Variants in TMOD3 observed in about 807,000 individuals in gnomAD.
TMOD3 encodes the protein tropomodulin-3.
A neutral mutation model predicts 39.2 loss-of-function variants in TMOD3; 20 were observed. The observed-to-expected ratio is 0.51, with a 90% CI of 0.36 to 0.74. The LOEUF (loss-of-function observed/expected upper bound fraction) is 0.74. TMOD3 is among the 30% of genes least tolerant of loss of function. The pLI, the probability that TMOD3 is intolerant of heterozygous loss-of-function variation, is 0.00. For missense variants in TMOD3, 381 were observed against 412.8 expected, an observed-to-expected ratio of 0.92 and a Z score of 0.67; for synonymous variants, 143 against 145.8, an observed-to-expected ratio of 0.98 and a Z score of 0.14.
At chr15:51,848,547 C>G (rs934650598) in intron 1 of TMOD3, among the ~76,000 whole-genome samples, 1 of 152,264 alleles carries the variant, frequency 6.6e-6, no homozygotes, top group South Asian at 2.1e-4. Context: ...AATTTTGAAC[C>G]ATGCCAAACA....
intron 8 of TMOD3, chr15:51,901,200 A>C (rs1416714211): frequency 6.6e-6 from 1 of 152,248 alleles, no homozygotes; most frequent in African/African-American, 2.4e-5. Context: ...TTTATGACTG[A>C]ATAATATTCT....
chr15:51,902,651 T>G lies in TMOD3; in HGVS notation c.1024+615T>G, dbSNP rs1465130927. On this transcript the variant is annotated intron_variant, in intron 9 of 9. Transcript: ENST00000308580. ...TGCCCAGCTAATTTTTGTATTTTTT[T>G]TTTTTTTTTTTTTTTTGAGACAGAG... 1.8e-4 allele frequency among the ~76,000 whole-genome samples: 22 copies of G among 125,004 alleles called. No individual in the cohort carries two copies. The South Asian group carries it at 2.9e-3, about 17-fold the overall frequency. The allele number at this position is 125,004 out of a possible 152,430, so 82.0% of individuals were successfully genotyped here. A position where few individuals can be genotyped will look rare whatever the true frequency, so the allele number is the denominator to read the frequency against.
rs2056579580 is a variant in TMOD3, at chr15:51,889,051, T to G, written c.407-5T>G. 2 of 1,560,348 alleles carry G rather than the reference T, an allele frequency of 1.3e-6. No homozygotes were observed. Among genetic ancestry groups the G allele is most frequent in the Non-Finnish European group, 1.7e-6 (2 of 1,153,504 alleles). On this transcript the variant is annotated splice_polypyrimidine_tract_variant and splice_region_variant and intron_variant, in intron 4 of 9. Transcript: ENST00000308580. The stretch of plus-strand genomic sequence containing the variant: ...AATAAAAACTTTCTTTTTCTGTATT[T>G]ATAGCAATTCTTGGGATGCACAATT...
chr15:51,859,263 C>T (rs990473796), intron 1 of TMOD3: 4 of 740,128 alleles, frequency 5.4e-6, no homozygotes, highest in African/African-American at 1.7e-5. Context: ...TTTCATTGCT[C>T]GCCAGTAGAT....
At chr15:51,847,628 A>G (rs1167226736) in intron 1 of TMOD3, among the ~76,000 whole-genome samples, 1 of 152,210 alleles carries the variant, frequency 6.6e-6, no homozygotes, top group East Asian at 1.9e-4. Flanking sequence ...TTTCCTTTAA[A>G]AAAGTCTTAG....
chr15:51,895,279 C>T (rs979755183), intron 6 of TMOD3, among the ~76,000 whole-genome samples: 12 of 148,210 alleles, frequency 8.1e-5, no homozygotes, highest in African/African-American at 2.0e-4. Flanking sequence ...TGCAGTGGTG[C>T]GATCTTGGCT....
Position 51,854,230 on chromosome 15 carries a change from A to G in TMOD3, c.-74-8581A>G, listed in dbSNP as rs367608901. 3.2e-4 allele frequency among the ~76,000 whole-genome samples: 48 copies of G among 152,338 alleles called. No homozygotes were observed. The South Asian group carries it at 9.3e-3, about 30-fold the overall frequency. Reference sequence around the variant, plus strand: ...AAGCCATCTGGTCTCTGTTGCAATCACTCAGCTCTGTCATTGTAGCACAAA... The same window carrying G: ...AAGCCATCTGGTCTCTGTTGCAATCGCTCAGCTCTGTCATTGTAGCACAAA... On this transcript the variant is annotated intron_variant, in intron 1 of 9. Coordinates refer to ENST00000308580, the MANE Select transcript of TMOD3 (RefSeq NM_014547.5).
intron 2 of TMOD3, among the ~76,000 whole-genome samples, chr15:51,863,333 C>T (rs565024481): frequency 5.3e-5 from 8 of 152,324 alleles, no homozygotes; most frequent in Admixed American, 2.0e-4. Flanking sequence ...TTTTGATACA[C>T]GCCAACCTCT....
chr15:51,864,944 A>G (rs1160433956), intron 2 of TMOD3, among the ~76,000 whole-genome samples: 1 of 152,156 alleles, frequency 6.6e-6, no homozygotes, highest in Admixed American at 6.5e-5. Flanking sequence ...CAGGATTAGC[A>G]AGGCCCCAAG....
intron 2 of TMOD3, among the ~76,000 whole-genome samples, chr15:51,865,182 G>A (rs933520601): frequency 6.6e-6 from 1 of 152,014 alleles, no homozygotes; most frequent in Admixed American, 6.5e-5. Flanking sequence ...TGTAGAGACA[G>A]GGTCTCGTTA....
chr15:51,902,649 T>G lies in TMOD3; in HGVS notation c.1024+613T>G, dbSNP rs1177801789. 3.5e-4 allele frequency among the ~76,000 whole-genome samples: 44 copies of G among 124,184 alleles called. 1 individual carries two copies. The highest frequency in any genetic ancestry group is 3.2e-3 in the South Asian group (12 of 3,726). 81.5% of individuals were successfully genotyped at this position (124,184 alleles called of 152,430 possible). ...CGTGCCCAGCTAATTTTTGTATTTT[T>G]TTTTTTTTTTTTTTTTTTGAGACAG... On this transcript the variant is annotated intron_variant, in intron 9 of 9. Transcript: ENST00000308580.
At chr15:51,883,659 T>A (rs2056545553) in intron 3 of TMOD3, among the ~76,000 whole-genome samples, 1 of 152,202 alleles carries the variant, frequency 6.6e-6, no homozygotes, top group African/African-American at 2.4e-5. Flanking sequence ...CTGCTATGCA[T>A]CAGAATCCCT....
At chr15:51,887,452 G>T in intron 3 of TMOD3, 137 bp from the exon 4 acceptor site, 1 of 930,576 alleles carries the variant, frequency 1.1e-6, no homozygotes, top group Non-Finnish European at 1.6e-6. Context: ...AAAAATCTAT[G>T]TCAGAGATAA....
chr15:51,891,518 C>T (rs752435859), intron 5 of TMOD3, among the ~76,000 whole-genome samples: 7 of 152,048 alleles, frequency 4.6e-5, no homozygotes, highest in Non-Finnish European at 8.8e-5. Context: ...AGATTGATCA[C>T]AGGGTTCAAA....
chr15:51,895,771 TCTTTC>T (rs1258837113), intron 6 of TMOD3, among the ~76,000 whole-genome samples: 1 of 152,204 alleles, frequency 6.6e-6, no homozygotes, highest in East Asian at 1.9e-4. Flanking sequence ...CTCCTTCATT[TCTTTC>T]CTTGTAGAAA....
intron 3 of TMOD3, among the ~76,000 whole-genome samples, chr15:51,884,853 A>C (rs1242204396): frequency 6.6e-6 from 1 of 152,206 alleles, no homozygotes; most frequent in Non-Finnish European, 1.5e-5. Flanking sequence ...AACCAACCCT[A>C]GAACCACCTT....
intron 6 of TMOD3, among the ~76,000 whole-genome samples, chr15:51,894,870 C>A (rs920187499): frequency 1.3e-5 from 2 of 152,106 alleles, no homozygotes; most frequent in South Asian, 4.1e-4. Flanking sequence ...GTTTTAAATT[C>A]TCTTGAGTAA....
intron 3 of TMOD3, among the ~76,000 whole-genome samples, chr15:51,877,113 T>A (rs907657261): frequency 6.6e-6 from 1 of 152,156 alleles, no homozygotes; most frequent in African/African-American, 2.4e-5. Context: ...TTTTTGAACA[T>A]ATGTAATATA....
intron 3 of TMOD3, among the ~76,000 whole-genome samples, chr15:51,870,287 A>G (rs2056468589): frequency 6.6e-6 from 1 of 152,218 alleles, no homozygotes; most frequent in African/African-American, 2.4e-5. Flanking sequence ...TAAATGAAAC[A>G]GGATAAGTTT....
Sources: allele counts gnomAD v4.1 joint callset (sites outside exome capture counted in the v4.1 genomes callset), GRCh38; gene constraint gnomAD v4.1.1; transcripts MANE v1.5; gene names NCBI Gene and HGNC (gene_info 2026-07-23, HGNC 2026-07-21).